Variants in TAF4 observed in about 807,000 individuals in gnomAD.
TAF4 encodes the protein transcription initiation factor TFIID subunit 4.
Under a neutral mutation model 90.3 loss-of-function variants are expected in TAF4, and 9 were observed. The observed-to-expected ratio is 0.10, with a 90% CI of 0.06 to 0.17. The LOEUF is 0.17. Ranked by LOEUF, TAF4 falls within the 10% of genes least tolerant of loss-of-function variation. The pLI is 1.00. For missense variants in TAF4, 1,351 were observed against 1,370.7 expected, an observed-to-expected ratio of 0.99 and a Z score of 0.23; for synonymous variants, 818 against 638.9, an observed-to-expected ratio of 1.28 and a Z score of -4.23.
At chr20:62,043,102 G>A (rs1469308443) in intron 1 of TAF4, among the ~76,000 whole-genome samples, 5 of 152,290 alleles carry the variant, frequency 3.3e-5, no homozygotes, top group East Asian at 1.9e-4. Context: ...CAGGCAGATC[G>A]CTAGAGCCCA....
chr20:62,049,997 G>A (rs553762416), intron 1 of TAF4, among the ~76,000 whole-genome samples: 77 of 152,228 alleles, frequency 5.1e-4, no homozygotes, highest in African/African-American at 1.8e-3. Context: ...CTGTCCCCAA[G>A]GCAGGGAGTC....
intron 1 of TAF4, among the ~76,000 whole-genome samples, chr20:62,021,031 A>G (rs1030633953): frequency 6.6e-6 from 1 of 152,172 alleles, no homozygotes; most frequent in Non-Finnish European, 1.5e-5. Flanking sequence ...AAAAACACAG[A>G]TCCCAGCCAC....
intron 14 of TAF4, among the ~76,000 whole-genome samples, chr20:61,993,926 T>A (rs2055647428): frequency 6.6e-6 from 1 of 152,092 alleles, no homozygotes; most frequent in South Asian, 2.1e-4. Context: ...CTAAATTTTG[T>A]GTTTTTAGTA....
rs1423612791 is a variant in TAF4, at chr20:62,012,722, A to G, written c.1641+93T>C. The G allele has an allele frequency of 5.2e-6, 7 of 1,355,922 alleles. No individual in the cohort carries two copies. The Admixed American group carries it at 1.4e-4, about 28-fold the overall frequency. The allele number at this position is 1,355,922 out of a possible 1,614,324, so 84.0% of individuals were successfully genotyped here. On this transcript the variant is annotated intron_variant, in intron 3 of 14. Coordinates refer to ENST00000252996, the MANE Select transcript of TAF4 (RefSeq NM_003185.4). ...TTTGACGTAGTATCCAGTTTAAAAA[A>G]AAAAAAAAACTCCTAAGGCCTGATC... is the stretch of plus-strand genomic sequence containing the variant.
At chr20:62,002,574 C>G (rs193241313) in intron 9 of TAF4, among the ~76,000 whole-genome samples, 1 of 152,202 alleles carries the variant, frequency 6.6e-6, no homozygotes, top group Non-Finnish European at 1.5e-5. Flanking sequence ...CACTGTAACA[C>G]TGAACTCCTG....
rs572814535 is a variant in TAF4, at chr20:62,028,054, TGGTGCAG to T, written c.1361-13354_1361-13348del. 7.2e-5 allele frequency among the ~76,000 whole-genome samples: 11 copies of T among 152,328 alleles called. No individual in the cohort carries two copies. The South Asian group carries it at 2.3e-3, about 32-fold the overall frequency. Reference sequence around the variant, plus strand: ...CTGATTGCTCACAGCCACCTCTCCATGGTGCAGGGTCCCACACGTGCTCTGCTCCTGC... The same window carrying T: ...CTGATTGCTCACAGCCACCTCTCCATGGTCCCACACGTGCTCTGCTCCTGC... On this transcript the variant is annotated intron_variant, in intron 1 of 14. Transcript: ENST00000252996.
chr20:61,978,060 C>A (rs924799576), intron 14 of TAF4, among the ~76,000 whole-genome samples: 4 of 127,828 alleles, frequency 3.1e-5, no homozygotes, highest in Non-Finnish European at 7.0e-5. Context: ...CAAGGGAGGG[C>A]GCGACACCAA....
In TAF4 at chr20:62,010,077, G is replaced by T; in HGVS notation, c.1730C>A (p.Pro577Gln). 1 of 1,613,678 alleles carries T rather than the reference G, an allele frequency of 6.2e-7. No homozygotes were observed. Among genetic ancestry groups the T allele is most frequent in the Non-Finnish European group, 8.5e-7 (1 of 1,180,004 alleles). Residue 577 changes from proline (P) to glutamine (Q), a missense_variant, in exon 4 of 15, where the codon CCA (proline) becomes CAA (glutamine). Pro to Gln is a moderately conservative substitution (Grantham distance 76). Transcript: ENST00000252996. The surrounding 1 kb of genome is among the most constrained non-coding windows in gnomAD (Gnocchi z 4.5). ...AGCTGAGGAAGTGGTGGTCGCCCCTGGTACCGTGCGCTGAGGAGTCCCCGT... is the reference window on the plus strand; with the variant it reads ...AGCTGAGGAAGTGGTGGTCGCCCCTTGTACCGTGCGCTGAGGAGTCCCCGT... Reference protein sequence around the residue: ...VQTGTPQRTVPGATTTSSAAT... With the variant: ...VQTGTPQRTVQGATTTSSAAT...
chr20:62,021,596 G>A (rs1032018290), intron 1 of TAF4, among the ~76,000 whole-genome samples: 2 of 152,258 alleles, frequency 1.3e-5, no homozygotes, highest in African/African-American at 4.8e-5. Flanking sequence ...ACTGCGGCTG[G>A]GCAGCCAGAC....
chr20:62,033,968 T>G (rs1284268990), intron 1 of TAF4, among the ~76,000 whole-genome samples: 2 of 143,264 alleles, frequency 1.4e-5, no homozygotes, highest in South Asian at 2.2e-4. Flanking sequence ...CGTGAACCCG[T>G]GAGGCAGAGC....
At chr20:62,020,361 G>A (rs2055835887) in intron 1 of TAF4, among the ~76,000 whole-genome samples, 1 of 152,372 alleles carries the variant, frequency 6.6e-6, no homozygotes, top group Non-Finnish European at 1.5e-5. Flanking sequence ...ACAAGCATCA[G>A]GGGCACGGAG....
intron 1 of TAF4, chr20:62,064,214 C>T (rs946882436): frequency 2.7e-5 from 11 of 414,696 alleles, no homozygotes; most frequent in Non-Finnish European, 4.1e-5. Context: ...CACAGGCAGC[C>T]AGCGCGGACG....
At position 62,065,280 on chromosome 20, in the gene TAF4, G is replaced by C. The variant is rs188510634; in HGVS notation, c.531C>G (p.Gly177=). The change falls in exon 1 of 15, where the codon GGC becomes GGG. Residue 177 remains glycine (G), a synonymous_variant. Coordinates refer to ENST00000252996, the MANE Select transcript of TAF4 (RefSeq NM_003185.4). The stretch of plus-strand genomic sequence containing the variant: ...GGCCAGGGCCGGGGCCGGGGCCGGG[G>C]CCGGGCCCGGGGCCGGGGCCGGCGC... ...AARAGPGPGP[G]PGPGPGPGPG... is the part of the protein sequence containing the mutation. 3.3e-3 allele frequency: 852 copies of C among 256,986 alleles called. 2 individuals carry two copies. The East Asian group carries it at 0.035, about 10-fold the overall frequency. 15.9% of individuals were successfully genotyped at this position (256,986 alleles called of 1,614,324 possible). A position where few individuals can be genotyped will look rare whatever the true frequency, so the allele number is the denominator to read the frequency against.
intron 1 of TAF4, among the ~76,000 whole-genome samples, chr20:62,029,846 C>T (rs941216053): frequency 6.6e-6 from 1 of 152,120 alleles, no homozygotes; most frequent in South Asian, 2.1e-4. Flanking sequence ...TCGGAGCTTG[C>T]GGTGAGCCGA....
chr20:62,012,602 A>G (rs1426440098), intron 3 of TAF4: 1 of 544,880 alleles, frequency 1.8e-6, no homozygotes, highest in Non-Finnish European at 2.9e-6. Flanking sequence ...CTGTGTGACT[A>G]AAAAAAAGAA....
chr20:61,993,568 C>T (rs1403338766), intron 14 of TAF4, among the ~76,000 whole-genome samples: 3 of 152,172 alleles, frequency 2.0e-5, no homozygotes, highest in Non-Finnish European at 4.4e-5. Context: ...GAAAGGACGG[C>T]AAGGCTAACC....
At chr20:62,035,900 G>A (rs1165322662) in intron 1 of TAF4, among the ~76,000 whole-genome samples, 1 of 151,550 alleles carries the variant, frequency 6.6e-6, no homozygotes, top group Non-Finnish European at 1.5e-5. Context: ...GACACAAACA[G>A]ACATTTCACA....
At chr20:62,060,146 C>G (rs1009971381) in intron 1 of TAF4, among the ~76,000 whole-genome samples, 2 of 152,220 alleles carry the variant, frequency 1.3e-5, no homozygotes, top group African/African-American at 4.8e-5. Flanking sequence ...AGCCCGGGGG[C>G]AGTCCTGGAA....
intron 12 of TAF4, 21 bp downstream of exon 12, chr20:61,998,962 C>T: frequency 5.6e-6 from 9 of 1,611,044 alleles, no homozygotes; most frequent in Non-Finnish European, 6.8e-6. Context: ...CAGACGGCAG[C>T]AGCAGACACC....
Sources: allele counts gnomAD v4.1 joint callset (sites outside exome capture counted in the v4.1 genomes callset), GRCh38; gene constraint gnomAD v4.1.1; non-coding constraint Gnocchi (gnomAD v3.1); transcripts MANE v1.5; gene names NCBI Gene and HGNC (gene_info 2026-07-23, HGNC 2026-07-21).